Variants in NF1 observed in about 807,000 individuals in gnomAD.
The protein encoded by NF1 is neurofibromin.
Under a neutral mutation model 325.7 loss-of-function variants are expected in NF1, and 122 were observed. That is an observed-to-expected ratio of 0.37 (90% CI 0.32 to 0.44). NF1 has a LOEUF of 0.44. NF1 is among the 20% of genes least tolerant of loss of function. The pLI, the probability that NF1 is intolerant of heterozygous loss-of-function variation, is 1.00. For synonymous variants in NF1, 1,091 were observed against 1,186.0 expected, an observed-to-expected ratio of 0.92 and a Z score of 1.65; for missense variants, 2,140 against 3,415.4, an observed-to-expected ratio of 0.63 and a Z score of 9.31.
chr17:31,231,684 C>A (rs1357330241), intron 24 of NF1, among the ~76,000 whole-genome samples: 2 of 152,142 alleles, frequency 1.3e-5, no homozygotes, highest in Non-Finnish European at 1.5e-5. Context: ...TAGGGAATAA[C>A]AACAACAAAA....
chr17:31,149,835 A>G (rs1163969321), intron 1 of NF1, among the ~76,000 whole-genome samples: 4 of 152,256 alleles, frequency 2.6e-5, no homozygotes, highest in East Asian at 1.9e-4. Context: ...AGCTCTTGCC[A>G]TGTAAGGTTT....
At chr17:31,132,776 C>G (rs1250467210) in intron 1 of NF1, among the ~76,000 whole-genome samples, 2 of 152,048 alleles carry the variant, frequency 1.3e-5, no homozygotes, top group African/African-American at 2.4e-5. Context: ...AAGTGAGTCT[C>G]CTGCCTCAGC....
chr17:31,224,954 G>GGGTTCT, intron 16 of NF1, 141 bp from the exon 17 acceptor site: 1 of 809,896 alleles, frequency 1.2e-6, no homozygotes, highest in Non-Finnish European at 2.1e-6. Context: ...GGTTTCTAGT[G>GGGTTCT]AATCTCCTTC....
rs2143627521 is a variant in NF1, at chr17:31,156,115, G to T, written c.193G>T (p.Val65Phe). Residue 65 changes from valine (V) to phenylalanine (F), a missense_variant, in exon 2 of 58, where the codon GTT becomes TTT. Val to Phe is a conservative substitution (Grantham distance 50). Transcript: ENST00000358273. Reference sequence around the variant, plus strand: ...CGGCCTCACTACTATTTTAAAGAATGTTAACAATATGGTGAGTATTTGGGT... The same window carrying T: ...CGGCCTCACTACTATTTTAAAGAATTTTAACAATATGGTGAGTATTTGGGT... ...ISGLTTILKN[V>F]NNMRIFGEAA... 1 of 1,613,600 alleles carries T rather than the reference G, an allele frequency of 6.2e-7. No homozygotes were observed. The highest frequency in any genetic ancestry group is 8.5e-7 in the Non-Finnish European group (1 of 1,179,786).
Position 31,181,801 on chromosome 17 carries a change from A to ATTTTTTTTTTTTTTTTTTT in NF1, c.730+32_730+33insTTTTTTTTTTTTTTTTTTT. On this transcript the variant is annotated intron_variant, in intron 7 of 57. Coordinates refer to ENST00000358273, the MANE Select transcript of NF1 (RefSeq NM_001042492.3). ...GATATGGCTGGTAAGGATACGATTG[A>ATTTTTTTTTTTTTTTTTTT]TTTTTTTTTTTTTTTTGTCTTTTAA... 1.3e-5 allele frequency: 16 copies of ATTTTTTTTTTTTTTTTTTT among 1,218,958 alleles called. No individual in the cohort carries two copies. Among genetic ancestry groups the ATTTTTTTTTTTTTTTTTTT allele is most frequent in the Non-Finnish European group, 1.5e-5 (13 of 853,294 alleles). The allele number at this position is 1,218,958 out of a possible 1,614,324, so 75.5% of individuals were successfully genotyped here.
At chr17:31,097,631 TTTAA>T (rs1376961807) in intron 1 of NF1, among the ~76,000 whole-genome samples, 1 of 152,216 alleles carries the variant, frequency 6.6e-6, no homozygotes, top group Non-Finnish European at 1.5e-5. Flanking sequence ...GACATTAGTT[TTTAA>T]AACAGCATTT....
At position 31,227,287 on chromosome 17, in the gene NF1, C is replaced by T. The variant is rs917302286; in HGVS notation, c.2321C>T (p.Thr774Ile). The T allele has an allele frequency of 1.2e-6, 2 of 1,613,572 alleles. No homozygotes were observed. The highest frequency in any genetic ancestry group is 1.7e-6 in the Non-Finnish European group (2 of 1,179,652). Residue 774 changes from threonine (T) to isoleucine (I), a missense_variant, in exon 19 of 58, where the codon ACT (threonine) becomes ATT (isoleucine). Transcript: ENST00000358273. Reference sequence around the variant, plus strand: ...ATTGAGCATCCCACTGCAGGAAACACTGAGGTATGCCCTTAGCAACAGAAA... The same window carrying T: ...ATTGAGCATCCCACTGCAGGAAACATTGAGGTATGCCCTTAGCAACAGAAA... Reference protein sequence around the residue: ...RRIEHPTAGNTEAWEDTHAKW... With the variant: ...RRIEHPTAGNIEAWEDTHAKW...
chr17:31,095,562 T>G, intron 1 of NF1, 193 bp downstream of exon 1: 6 of 512,026 alleles, frequency 1.2e-5, no homozygotes, highest in East Asian at 3.8e-5. Context: ...AGGGGACAGC[T>G]GGGAGCTTGG....
intron 10 of NF1, 53 bp from the exon 11 acceptor site, chr17:31,201,358 A>G (rs2066525762): frequency 6.6e-7 from 1 of 1,520,550 alleles, no homozygotes; most frequent in Admixed American, 1.7e-5. Flanking sequence ...CATTTGTATT[A>G]CTGAGTATTT....
At chr17:31,233,334 T>C in intron 27 of NF1, 121 bp downstream of exon 27, 1 of 1,022,944 alleles carries the variant, frequency 9.8e-7, no homozygotes, top group Admixed American at 2.0e-5. Flanking sequence ...AGAAGAAAGA[T>C]GTTTAGTTAG....
At position 31,095,010 on chromosome 17, in the gene NF1, C is replaced by T. The variant is rs2143138957; in HGVS notation, c.-300C>T. ...TGGGGTGTCATGGCGGCGTCTCGGA[C>T]TGTGATGGCTGTGGGGAGACGGCGC... On this transcript the variant is annotated 5_prime_UTR_variant, in exon 1 of 58. Transcript: ENST00000358273. The T allele has an allele frequency of 3.6e-6, 2 of 561,464 alleles. No individual in the cohort carries two copies. The highest frequency in any genetic ancestry group is 6.3e-6 in the Non-Finnish European group (2 of 315,614). 34.8% of individuals were successfully genotyped at this position (561,464 alleles called of 1,614,324 possible). A position where few individuals can be genotyped will look rare whatever the true frequency, so the allele number is the denominator to read the frequency against.
chr17:31,141,636 C>T lies in NF1; in HGVS notation c.61-14347C>T, dbSNP rs921333708. ...TGCTGCAAAACACATTACTTCAAAACTTAGCAGTTTAAAACAACAGACATT... is the reference window on the plus strand; with the variant it reads ...TGCTGCAAAACACATTACTTCAAAATTTAGCAGTTTAAAACAACAGACATT... On this transcript the variant is annotated intron_variant, in intron 1 of 57. Coordinates refer to ENST00000358273, the MANE Select transcript of NF1 (RefSeq NM_001042492.3). Among the ~76,000 whole-genome samples, 64 of 152,172 alleles carry T rather than the reference C, an allele frequency of 4.2e-4. 1 individual carries two copies. Among genetic ancestry groups the T allele is most frequent in the African/African-American group, 1.4e-3 (59 of 41,440 alleles).
intron 40 of NF1, 104 bp downstream of exon 40, chr17:31,335,135 T>TA (rs2069612898): frequency 1.1e-6 from 1 of 948,030 alleles, no homozygotes; most frequent in South Asian, 1.5e-5. Flanking sequence ...GATAGAGTTG[T>TA]AAAAAACACA....
rs2151466336 is a variant in NF1, at chr17:31,261,771, G to A, written c.4638G>A (p.Leu1546=). Residue 1546 remains leucine (L), a synonymous_variant, in exon 35 of 58, where the codon CTG becomes CTA. Coordinates refer to ENST00000358273, the MANE Select transcript of NF1 (RefSeq NM_001042492.3). The part of the protein sequence containing the change: ...FDKMATLLAY[L]GPPEHKPVAD... ...AGATGGCAACACTTCTTGCATACCTGGGTCCTCCAGAGCACAAACCTGTGG... is the reference window on the plus strand; with the variant it reads ...AGATGGCAACACTTCTTGCATACCTAGGTCCTCCAGAGCACAAACCTGTGG... 6.2e-7 allele frequency: 1 copy of A among 1,612,404 alleles called. No homozygotes were observed. Among genetic ancestry groups the A allele is most frequent in the Non-Finnish European group, 8.5e-7 (1 of 1,179,964 alleles).
chr17:31,272,335 GTTCATA>G (rs2067916227), intron 36 of NF1: 1 of 152,190 alleles, frequency 6.6e-6, no homozygotes, highest in African/African-American at 2.4e-5. Flanking sequence ...TTGTCACAGT[GTTCATA>G]TTCATAGTTG....
chr17:31,214,251 A>C (rs1455076052), intron 12 of NF1, among the ~76,000 whole-genome samples, 200 bp from the exon 13 acceptor site: 1 of 152,108 alleles, frequency 6.6e-6, no homozygotes, highest in African/African-American at 2.4e-5. Context: ...TAAATGGTGC[A>C]AAAACGATTT....
At chr17:31,315,051 G>C (rs112023143) in intron 36 of NF1, among the ~76,000 whole-genome samples, 1 of 152,166 alleles carries the variant, frequency 6.6e-6, no homozygotes, top group African/African-American at 2.4e-5. Context: ...TCTCTCATCA[G>C]TGGTGCTGAG....
chr17:31,188,677 A>T (rs2066283899), intron 8 of NF1, among the ~76,000 whole-genome samples: 1 of 152,128 alleles, frequency 6.6e-6, no homozygotes, highest in Non-Finnish European at 1.5e-5. Flanking sequence ...TTGACATTTG[A>T]GTCAGTGGGC....
chr17:31,184,420 C>T (rs372589474), intron 8 of NF1, among the ~76,000 whole-genome samples: 12 of 151,902 alleles, frequency 7.9e-5, no homozygotes, highest in Admixed American at 3.9e-4. Flanking sequence ...GAGGCCGAGG[C>T]GGGCGGATCA....
Sources: gnomAD v4.1 joint callset for allele counts (sites outside exome capture counted in the v4.1 genomes callset) on GRCh38, gnomAD v4.1.1 for gene constraint, MANE v1.5 for transcripts, NCBI Gene and HGNC (gene_info 2026-07-23, HGNC 2026-07-21) for gene names.